Variants in NALF1 observed in about 807,000 individuals in gnomAD.
NALF1 encodes the protein NALCN channel auxiliary factor 1, also known as family with sequence similarity 155 member A.
Under a neutral mutation model 48.4 loss-of-function variants are expected in NALF1, and 3 were observed. The observed-to-expected ratio is 0.06, with a 90% CI of 0.03 to 0.16. The LOEUF is 0.16. NALF1 is among the 10% of genes least tolerant of loss of function. The pLI is 1.00. For synonymous variants in NALF1, 262 were observed against 245.7 expected (o/e 1.07, Z -0.62); for missense variants, 526 against 571.5 (o/e 0.92, Z 0.81).
In NALF1 at chr13:107,169,675, A is replaced by G. The variant is rs962821377; in HGVS notation, c.*822T>C. ...CCTTTTATTTTGTTTTCAACATAAA[A>G]ATGTGTTAACTGTCTGATTCCACCT... On this transcript the variant is annotated 3_prime_UTR_variant, in exon 3 of 3. Transcript: ENST00000375915. 1.3e-5 allele frequency: 2 copies of G among 152,504 alleles called. No individual in the cohort carries two copies. Among genetic ancestry groups the G allele is most frequent in the Non-Finnish European group, 2.9e-5 (2 of 68,020 alleles). The allele number at this position is 152,504 out of a possible 1,614,324, so 9.4% of individuals were successfully genotyped here.
intron 1 of NALF1, among the ~76,000 whole-genome samples, chr13:107,816,919 C>T (rs1879184349): frequency 6.6e-6 from 1 of 152,170 alleles, no homozygotes; most frequent in Admixed American, 6.5e-5. Context: ...ACAAGTAGCA[C>T]TTCCAACTTC....
chr13:107,708,191 T>C (rs891223897), intron 1 of NALF1, among the ~76,000 whole-genome samples: 4 of 152,182 alleles, frequency 2.6e-5, no homozygotes, highest in Non-Finnish European at 5.9e-5. Context: ...TCACATTTTT[T>C]CTCCATTATG....
intron 1 of NALF1, among the ~76,000 whole-genome samples, chr13:107,386,736 T>G (rs1400786686): frequency 6.6e-6 from 1 of 152,178 alleles, no homozygotes; most frequent in East Asian, 1.9e-4. Context: ...GGCCATTTCC[T>G]TAAGTTATCT....
At chr13:107,774,612 G>T (rs1594258107) in intron 1 of NALF1, among the ~76,000 whole-genome samples, 1 of 152,148 alleles carries the variant, frequency 6.6e-6, no homozygotes. Context: ...ATTCTCTGTA[G>T]TTCCATAATT....
chr13:107,423,555 GA>G (rs1282628779), intron 1 of NALF1, among the ~76,000 whole-genome samples: 1 of 151,778 alleles, frequency 6.6e-6, no homozygotes, highest in Non-Finnish European at 1.5e-5. Context: ...ATTTCAAAAA[GA>G]GGAAAAAAAA....
At chr13:107,794,365 C>T (rs1272586648) in intron 1 of NALF1, among the ~76,000 whole-genome samples, 1 of 151,736 alleles carries the variant, frequency 6.6e-6, no homozygotes, top group Non-Finnish European at 1.5e-5. Context: ...CCTTTTTTCC[C>T]GGTACTATTA....
chr13:107,570,332 T>C (rs777414620), intron 1 of NALF1, among the ~76,000 whole-genome samples: 2 of 152,046 alleles, frequency 1.3e-5, no homozygotes, highest in Non-Finnish European at 2.9e-5. Flanking sequence ...AGACTTTATA[T>C]TGATGTTTTT....
intron 1 of NALF1, among the ~76,000 whole-genome samples, chr13:107,806,088 G>A (rs148276094): frequency 5.2e-4 from 79 of 152,258 alleles, no homozygotes; most frequent in African/African-American, 1.9e-3. Flanking sequence ...AGCATTTGAA[G>A]GAAGCATATA....
chr13:107,580,089 C>T (rs2138409669), intron 1 of NALF1, among the ~76,000 whole-genome samples: 1 of 152,122 alleles, frequency 6.6e-6, no homozygotes, highest in South Asian at 2.1e-4. Context: ...AAATGTGGCA[C>T]ATATACACCA....
At chr13:107,484,464 A>T (rs1350600937) in intron 1 of NALF1, among the ~76,000 whole-genome samples, 1 of 152,154 alleles carries the variant, frequency 6.6e-6, no homozygotes, top group Non-Finnish European at 1.5e-5. Flanking sequence ...GGGGAAGAAT[A>T]TATGCTCTGA....
At chr13:107,778,691 T>C (rs892409104) in intron 1 of NALF1, among the ~76,000 whole-genome samples, 3 of 152,190 alleles carry the variant, frequency 2.0e-5, no homozygotes, top group African/African-American at 4.8e-5. Context: ...GGACAGGAGA[T>C]GGAGACCATA....
intron 1 of NALF1, among the ~76,000 whole-genome samples, chr13:107,312,135 C>T (rs192695425): frequency 0.025 from 3,789 of 152,124 alleles, 53 homozygotes; most frequent in Middle Eastern, 0.058. Flanking sequence ...ATGTTTATTG[C>T]GGCACTATTC....
chr13:107,866,771 C>T lies in NALF1; in HGVS notation c.-175G>A, dbSNP rs1880748779. 2 of 597,050 alleles carry T rather than the reference C, an allele frequency of 3.3e-6. No homozygotes were observed. Among genetic ancestry groups the T allele is most frequent in the Non-Finnish European group, 5.9e-6 (2 of 338,678 alleles). The allele number at this position is 597,050 out of a possible 1,614,324, so 37.0% of individuals were successfully genotyped here. A position where few individuals can be genotyped will look rare whatever the true frequency, so the allele number is the denominator to read the frequency against. On this transcript the variant is annotated 5_prime_UTR_variant, in exon 1 of 3. Transcript: ENST00000375915. The surrounding 1 kb of genome is among the most constrained non-coding windows in gnomAD (Gnocchi z 4.4). Reference sequence around the variant, plus strand: ...TCCCTCTCTCCTCTCTCTCTCTCTCCCTCTCCCTCTCTTTTATCTCTCTCT... The same window carrying T: ...TCCCTCTCTCCTCTCTCTCTCTCTCTCTCTCCCTCTCTTTTATCTCTCTCT...
chr13:107,412,562 T>C (rs547974305), intron 1 of NALF1, among the ~76,000 whole-genome samples: 80 of 152,292 alleles, frequency 5.3e-4, no homozygotes, highest in Non-Finnish European at 8.7e-4. Context: ...TGAAGAATGA[T>C]AGTAGTAAAT....
rs1354635530 is a variant in NALF1 at position 107,169,082 on chromosome 13, A to T, written c.*1415T>A. Reference sequence around the variant, plus strand: ...AAAGCCTTTTATAGAAAGCAAATTCATGTACACTCAGCAGGTGAAATGTTC... The same window carrying T: ...AAAGCCTTTTATAGAAAGCAAATTCTTGTACACTCAGCAGGTGAAATGTTC... On this transcript the variant is annotated 3_prime_UTR_variant, in exon 3 of 3. Coordinates refer to ENST00000375915, the MANE Select transcript of NALF1 (RefSeq NM_001080396.3). 3.3e-5 allele frequency: 5 copies of T among 152,622 alleles called. No individual in the cohort carries two copies. Among genetic ancestry groups the T allele is most frequent in the Admixed American group, 6.5e-5 (1 of 15,278 alleles). The allele number at this position is 152,622 out of a possible 1,614,324, so 9.5% of individuals were successfully genotyped here. A position where few individuals can be genotyped will look rare whatever the true frequency, so the allele number is the denominator to read the frequency against.
intron 1 of NALF1, among the ~76,000 whole-genome samples, chr13:107,329,476 C>G (rs1882426528): frequency 1.3e-5 from 2 of 151,858 alleles, no homozygotes; most frequent in South Asian, 4.1e-4. Context: ...CTGGGAATAC[C>G]TGGCTTCACT....
intron 1 of NALF1, among the ~76,000 whole-genome samples, chr13:107,225,575 C>A (rs1201148557): frequency 6.6e-6 from 1 of 152,050 alleles, no homozygotes; most frequent in Non-Finnish European, 1.5e-5. Context: ...CAGAACCTGG[C>A]CTCAGGTGAC....
chr13:107,615,504 G>T (rs1195577765), intron 1 of NALF1, among the ~76,000 whole-genome samples: 1 of 152,158 alleles, frequency 6.6e-6, no homozygotes, highest in East Asian at 1.9e-4. Flanking sequence ...CAACTCTGGT[G>T]GCACCTATGG....
intron 1 of NALF1, among the ~76,000 whole-genome samples, chr13:107,766,138 T>C (rs1473483151): frequency 6.6e-6 from 1 of 152,182 alleles, no homozygotes; most frequent in African/African-American, 2.4e-5. Context: ...ATTACAGATG[T>C]ACGTGCAGCA....
Sources: allele counts gnomAD v4.1 joint callset (sites outside exome capture counted in the v4.1 genomes callset), GRCh38; gene constraint gnomAD v4.1.1; non-coding constraint Gnocchi (gnomAD v3.1); transcripts MANE v1.5; gene names NCBI Gene and HGNC (gene_info 2026-07-23, HGNC 2026-07-21).